CSNK1D: variants seen among roughly 807,000 people sequenced by gnomAD.
CSNK1D encodes the protein casein kinase 1 delta, also known as casein kinase I isoform delta.
In CSNK1D, 16 loss-of-function variants were observed where a neutral mutation model predicts 46.6. The ratio of observed to expected loss-of-function variants is 0.34; its 90% CI spans 0.23 to 0.52. The LOEUF is 0.52. Among genes scored for constraint, CSNK1D ranks in the 20% least tolerant of loss-of-function variants. The probability of loss-of-function intolerance (pLI) is 0.95; values close to 1 mark genes in which losing one functional copy is unlikely to be tolerated. For synonymous variants in CSNK1D, 276 were observed against 228.2 expected, an observed-to-expected ratio of 1.21 and a Z score of -1.89; for missense variants, 398 against 578.4, an observed-to-expected ratio of 0.69 and a Z score of 3.20.
Position 82,255,681 on chromosome 17 carries a change from G to A in CSNK1D, c.188-104C>T, listed in dbSNP as rs990900057. ...AGGGGTCATGGTGACAATCCTGAAC[G>A]GGGGAGGGGTGGTGGAGGTAGAAGA... On this transcript the variant is annotated intron_variant, in intron 2 of 8. Coordinates refer to ENST00000314028, the MANE Select transcript of CSNK1D (RefSeq NM_001893.6). This position sits in a 1 kb window ranked among gnomAD's most constrained non-coding sequence, Gnocchi z 5.9. 45 of 1,433,212 alleles carry A rather than the reference G, an allele frequency of 3.1e-5. No homozygotes were observed. The highest frequency in any genetic ancestry group is 4.2e-5 in the African/African-American group (3 of 71,366). 88.8% of individuals were successfully genotyped at this position (1,433,212 alleles called of 1,614,324 possible). A position where few individuals can be genotyped will look rare whatever the true frequency, so the allele number is the denominator to read the frequency against.
At position 82,243,081 on chromosome 17, in the gene CSNK1D, A is replaced by C; in HGVS notation, c.*1700T>G. On this transcript the variant is annotated 3_prime_UTR_variant, in exon 9 of 9. Coordinates refer to ENST00000314028, the MANE Select transcript of CSNK1D (RefSeq NM_001893.6). ...CCACCCCAACCTCCCTCTGTACTTC[A>C]ACACACAGCTCCCACCCGCTCAAGG... 1.0e-6 allele frequency: 1 copy of C among 985,424 alleles called. No individual in the cohort carries two copies. Among genetic ancestry groups the C allele is most frequent in the Non-Finnish European group, 1.2e-6 (1 of 829,942 alleles). The allele number at this position is 985,424 out of a possible 1,614,324, so 61.0% of individuals were successfully genotyped here. A position where few individuals can be genotyped will look rare whatever the true frequency, so the allele number is the denominator to read the frequency against.
rs571197789 is a variant in CSNK1D at position 82,258,420 on chromosome 17, C to T, written c.188-2843G>A. On this transcript the variant is annotated intron_variant, in intron 2 of 8. Transcript: ENST00000314028. ...GCATTCTGCGTCACAGTCGAGCATC[C>T]CTAATCTGAAAATCCAAACTGCCCC... 2.6e-5 allele frequency among the ~76,000 whole-genome samples: 4 copies of T among 151,942 alleles called. No individual in the cohort carries two copies. In the South Asian group the frequency reaches 6.2e-4, roughly 24 times the overall value.
intron 3 of CSNK1D, chr17:82,254,518 G>A (rs1374443203): frequency 1.0e-4 from 18 of 174,136 alleles, no homozygotes; most frequent in South Asian, 4.1e-4. Context: ...GAGCTGAGCC[G>A]CCGGAGCCTC....
intron 8 of CSNK1D, 33 bp from the exon 9 acceptor site, chr17:82,244,864 A>G: frequency 6.2e-7 from 1 of 1,613,252 alleles, no homozygotes; most frequent in Non-Finnish European, 8.5e-7. Context: ...GAAGGTCAGC[A>G]TGGGGCTGGG....
downstream of CSNK1D, among the ~76,000 whole-genome samples, chr17:82,241,682 T>A (rs1190477858): frequency 6.6e-6 from 1 of 152,074 alleles, no homozygotes; most frequent in Non-Finnish European, 1.5e-5. Context: ...TGTCTCAGTC[T>A]GGGGCAGCAA....
At chr17:82,258,685 T>C (rs965630626) in intron 2 of CSNK1D, among the ~76,000 whole-genome samples, 5 of 152,220 alleles carry the variant, frequency 3.3e-5, no homozygotes, top group Non-Finnish European at 7.3e-5. Context: ...CTTTTTCCCG[T>C]ACCTCATAAC....
At chr17:82,261,283 A>G (rs2051333122) in intron 2 of CSNK1D, among the ~76,000 whole-genome samples, 1 of 152,030 alleles carries the variant, frequency 6.6e-6, no homozygotes, top group African/African-American at 2.4e-5. Context: ...CAAGTGTGCT[A>G]GTCATCCAGG....
Position 82,244,653 on chromosome 17 carries a change from A to C in CSNK1D, c.*128T>G. On this transcript the variant is annotated 3_prime_UTR_variant, in exon 9 of 9. Coordinates refer to ENST00000314028, the MANE Select transcript of CSNK1D (RefSeq NM_001893.6). ...TTTCCCCCACGAGCGTCGCTGGGTG[A>C]GTGGCCTGGAGAGCTCCCGGTGTTA... 1 of 1,561,946 alleles carries C rather than the reference A, an allele frequency of 6.4e-7. No individual in the cohort carries two copies. The highest frequency in any genetic ancestry group is 1.2e-5 in the South Asian group (1 of 86,144).
intron 2 of CSNK1D, among the ~76,000 whole-genome samples, chr17:82,258,814 CCT>C (rs1426107261): frequency 6.6e-6 from 1 of 152,194 alleles, no homozygotes; most frequent in African/African-American, 2.4e-5. Flanking sequence ...CTTAGAAACC[CCT>C]GAGGCCCGGT....
intron 3 of CSNK1D, chr17:82,254,766 G>T: frequency 4.1e-6 from 1 of 243,900 alleles, no homozygotes; most frequent in South Asian, 3.0e-5. Flanking sequence ...AAGCCAGTGC[G>T]GTGAGCCACC....
chr17:82,242,471 C>T (rs565624215), downstream of CSNK1D, among the ~76,000 whole-genome samples: 2 of 151,660 alleles, frequency 1.3e-5, no homozygotes, highest in South Asian at 2.1e-4. Flanking sequence ...GGCAGCACGG[C>T]GAGGAGCAGT....
chr17:82,267,079 AAAG>A (rs1158622747), intron 1 of CSNK1D: 2 of 151,218 alleles, frequency 1.3e-5, no homozygotes, highest in Non-Finnish European at 2.9e-5. Flanking sequence ...AAAAAAAAAA[AAAG>A]GACACTGGAT....
At chr17:82,257,165 T>C (rs543353620) in intron 2 of CSNK1D, among the ~76,000 whole-genome samples, 3 of 152,200 alleles carry the variant, frequency 2.0e-5, no homozygotes, top group South Asian at 2.1e-4. Context: ...TCTGAAGGCA[T>C]GTATTTTTTT....
rs762331547 is a variant in CSNK1D, at chr17:82,265,655, T to G, written c.187+31A>C. The G allele has an allele frequency of 1.2e-5, 18 of 1,510,072 alleles. No homozygotes were observed. The South Asian group carries it at 2.0e-4, about 17-fold the overall frequency. 93.5% of individuals were successfully genotyped at this position (1,510,072 alleles called of 1,614,324 possible). On this transcript the variant is annotated intron_variant, in intron 2 of 8. Transcript: ENST00000314028. ...TGTTCTCCCTTGTCAAACAGAACCC[T>G]GGTGTTGCTCTGTGACTGGTAAAGA...
Position 82,273,392 on chromosome 17 carries a change from GC to G in CSNK1D, c.-12del, listed in dbSNP as rs1181062938. On this transcript the variant is annotated 5_prime_UTR_variant, in exon 1 of 9. Coordinates refer to ENST00000314028, the MANE Select transcript of CSNK1D (RefSeq NM_001893.6). The surrounding 1 kb of genome is among the most constrained non-coding windows in gnomAD (Gnocchi z 5.1). Reference sequence around the variant, plus strand: ...GACTCTCAGCTCCATGGCGGCGGCGGCCCGATTCGCTCCTGCCCTCCCGGCC... The same window carrying G: ...GACTCTCAGCTCCATGGCGGCGGCGGCCGATTCGCTCCTGCCCTCCCGGCC... 4 of 1,610,308 alleles carry G rather than the reference GC, an allele frequency of 2.5e-6. No individual in the cohort carries two copies.
Position 82,252,404 on chromosome 17 carries a change from T to G in CSNK1D, c.736+30A>C, listed in dbSNP as rs758601921. On this transcript the variant is annotated intron_variant, in intron 5 of 8. Coordinates refer to ENST00000314028, the MANE Select transcript of CSNK1D (RefSeq NM_001893.6). The surrounding 1 kb of genome is among the most constrained non-coding windows in gnomAD (Gnocchi z 4.6). ...CACATATGCAACCCCTGTGAGCAGC[T>G]CCGCTGAGAAGAGGCCTCCAGAGAC... 4 of 1,613,362 alleles carry G rather than the reference T, an allele frequency of 2.5e-6. No homozygotes were observed. The highest frequency in any genetic ancestry group is 3.4e-6 in the Non-Finnish European group (4 of 1,179,448).
rs1371723899 is a variant in CSNK1D at position 82,249,121 on chromosome 17, G to A, written c.1058-107C>T. ...GAGAGGACCCTGGGCTGCCTGGACAGTCAGGACCTGGCTGTGGCCGATGGC... is the reference window on the plus strand; with the variant it reads ...GAGAGGACCCTGGGCTGCCTGGACAATCAGGACCTGGCTGTGGCCGATGGC... On this transcript the variant is annotated intron_variant, in intron 7 of 8. Coordinates refer to ENST00000314028, the MANE Select transcript of CSNK1D (RefSeq NM_001893.6). This position sits in a 1 kb window ranked among gnomAD's most constrained non-coding sequence, Gnocchi z 6.7. The A allele has an allele frequency of 2.2e-5, 30 of 1,362,484 alleles. No individual in the cohort carries two copies. The South Asian group carries it at 3.7e-4, about 17-fold the overall frequency. The allele number at this position is 1,362,484 out of a possible 1,614,324, so 84.4% of individuals were successfully genotyped here. A position where few individuals can be genotyped will look rare whatever the true frequency, so the allele number is the denominator to read the frequency against.
Position 82,243,448 on chromosome 17 carries a change from G to A in CSNK1D, c.*1333C>T, listed in dbSNP as rs1023590547. 4 of 985,534 alleles carry A rather than the reference G, an allele frequency of 4.1e-6. No individual in the cohort carries two copies. Among genetic ancestry groups the A allele is most frequent in the Non-Finnish European group, 4.8e-6 (4 of 829,992 alleles). 61.0% of individuals were successfully genotyped at this position (985,534 alleles called of 1,614,324 possible). A position where few individuals can be genotyped will look rare whatever the true frequency, so the allele number is the denominator to read the frequency against. Reference sequence around the variant, plus strand: ...CGAGAAGGCATCCTGGGAACCTCAGGGCACAGCAGCATGGAGCCTGGGGCA... The same window carrying A: ...CGAGAAGGCATCCTGGGAACCTCAGAGCACAGCAGCATGGAGCCTGGGGCA... On this transcript the variant is annotated 3_prime_UTR_variant, in exon 9 of 9. Transcript: ENST00000314028.
chr17:82,254,869 C>T (rs2051128257), intron 3 of CSNK1D, among the ~76,000 whole-genome samples: 1 of 140,998 alleles, frequency 7.1e-6, no homozygotes, highest in Non-Finnish European at 1.5e-5. Flanking sequence ...TGTGCTGAGC[C>T]GCCGGGGGCC....
Sources: gnomAD v4.1 joint callset for allele counts (sites outside exome capture counted in the v4.1 genomes callset) on GRCh38, gnomAD v4.1.1 for gene constraint, Gnocchi (gnomAD v3.1) non-coding constraint, MANE v1.5 for transcripts, NCBI Gene and HGNC (gene_info 2026-07-23, HGNC 2026-07-21) for gene names.